Variants in TARS3 observed in about 807,000 individuals in gnomAD.
TARS3 encodes threonine--tRNA ligase 2, cytoplasmic.
A neutral mutation model predicts 103.5 loss-of-function variants in TARS3; 94 were observed. That is an observed-to-expected ratio of 0.91 (90% CI 0.77 to 1.08). TARS3 has a LOEUF of 1.08. TARS3 is among the 50% of genes least tolerant of loss of function. The probability of loss-of-function intolerance (pLI) is 0.00; values close to 1 mark genes in which losing one functional copy is unlikely to be tolerated. For synonymous variants in TARS3, 416 were observed against 355.4 expected (o/e 1.17, Z -1.92); for missense variants, 952 against 995.2 (o/e 0.96, Z 0.58).
At chr15:101,691,571 T>C (rs1225752729) in intron 10 of TARS3, among the ~76,000 whole-genome samples, 1 of 152,222 alleles carries the variant, frequency 6.6e-6, no homozygotes, top group Non-Finnish European at 1.5e-5. Context: ...TGAGTCACTA[T>C]GCCCAGCCTT....
At chr15:101,706,780 G>T (rs1899587454) in intron 6 of TARS3, among the ~76,000 whole-genome samples, 1 of 152,086 alleles carries the variant, frequency 6.6e-6, no homozygotes, top group Non-Finnish European at 1.5e-5. Context: ...GTTGTTGGGA[G>T]AAAAACCCGT....
intron 15 of TARS3, among the ~76,000 whole-genome samples, chr15:101,665,541 C>T (rs1305414564): frequency 6.6e-6 from 1 of 152,140 alleles, no homozygotes; most frequent in Admixed American, 6.5e-5. Flanking sequence ...ATAGCATAGA[C>T]CACATGAGGA....
At chr15:101,690,338 T>C (rs564055457) in intron 10 of TARS3, among the ~76,000 whole-genome samples, 4 of 152,340 alleles carry the variant, frequency 2.6e-5, no homozygotes, top group East Asian at 1.9e-4. Context: ...TTAAACACAA[T>C]AGTATAATAC....
At chr15:101,682,037 T>C (rs1898274834) in intron 12 of TARS3, among the ~76,000 whole-genome samples, 1 of 152,238 alleles carries the variant, frequency 6.6e-6, no homozygotes, top group Non-Finnish European at 1.5e-5. Flanking sequence ...TTCTAATAGC[T>C]TTCTGTAGAT....
intron 18 of TARS3, 35 bp downstream of exon 18, chr15:101,656,887 A>C (rs749667534): frequency 4.8e-5 from 66 of 1,387,382 alleles, no homozygotes; most frequent in Non-Finnish European, 6.0e-5. Flanking sequence ...TGGGAAAAAA[A>C]AGCATTTGGA....
chr15:101,709,612 C>T (rs115989288), intron 5 of TARS3, among the ~76,000 whole-genome samples: 172 of 152,312 alleles, frequency 1.1e-3, no homozygotes, highest in African/African-American at 3.9e-3. Flanking sequence ...ACACCTCCTA[C>T]ACCTGGCTGA....
intron 12 of TARS3, among the ~76,000 whole-genome samples, chr15:101,678,978 G>A (rs1000532754): frequency 3.3e-5 from 5 of 151,976 alleles, no homozygotes; most frequent in African/African-American, 1.2e-4. Context: ...CTGGCCTCCA[G>A]GATTTTTGTT....
intron 12 of TARS3, among the ~76,000 whole-genome samples, chr15:101,681,557 T>C (rs1328829435): frequency 6.6e-6 from 1 of 152,222 alleles, no homozygotes; most frequent in African/African-American, 2.4e-5. Flanking sequence ...ATAAGAATCA[T>C]TTATTCTTCA....
rs146008609 is a variant in TARS3, at chr15:101,676,432, G to A, written c.1651-695C>T. On this transcript the variant is annotated intron_variant, in intron 12 of 18. Transcript: ENST00000335968. ...TGGCTTAAACCAGAGAGAGGCAGCT[G>A]AAATGCAGGGAATTTGATGGATTTG... 7.0e-3 allele frequency among the ~76,000 whole-genome samples: 1,063 copies of A among 152,286 alleles called. 9 individuals carry two copies. Among genetic ancestry groups the A allele is most frequent in the Non-Finnish European group, 0.012 (808 of 68,018 alleles).
intron 5 of TARS3, among the ~76,000 whole-genome samples, chr15:101,709,801 G>C (rs540365483): frequency 6.6e-6 from 1 of 152,370 alleles, no homozygotes; most frequent in African/African-American, 2.4e-5. Flanking sequence ...CTGGAGCCAT[G>C]TTAACAAGAG....
At chr15:101,660,203 G>A (rs981439079) in intron 16 of TARS3, among the ~76,000 whole-genome samples, 2 of 152,170 alleles carry the variant, frequency 1.3e-5, no homozygotes, top group Non-Finnish European at 2.9e-5. Context: ...TAGCAGTGGG[G>A]GCAGTAGTTT....
At position 101,701,107 on chromosome 15, in the gene TARS3, A is replaced by G. The variant is rs765951901; in HGVS notation, c.1299T>C (p.Asn433=). ...FFLPRGAFIY[N]TLTDFIREEY... is the part of the protein sequence containing the mutation. ...TTACTCGTATGAAATCTGTAAGCGT[A>G]TTATAAATGAAGGCTCCTCTGGGAA... Residue 433 remains asparagine, a synonymous_variant, in exon 10 of 19, where the codon AAT becomes AAC. Transcript: ENST00000335968. 11 of 1,583,598 alleles carry G rather than the reference A, an allele frequency of 6.9e-6. No individual in the cohort carries two copies. The highest frequency in any genetic ancestry group is 8.5e-6 in the Non-Finnish European group (10 of 1,169,654).
At chr15:101,666,129 T>G (rs1003181336) in intron 15 of TARS3, among the ~76,000 whole-genome samples, 13 of 152,308 alleles carry the variant, frequency 8.5e-5, no homozygotes, top group South Asian at 8.3e-4. Flanking sequence ...CTACTTACTC[T>G]GGAAATGAGA....
chr15:101,679,567 T>C (rs980647303), intron 12 of TARS3, among the ~76,000 whole-genome samples: 2 of 152,248 alleles, frequency 1.3e-5, no homozygotes, highest in African/African-American at 2.4e-5. Context: ...TGCATTTTTA[T>C]GGTGGTTGCT....
In TARS3 at chr15:101,675,708, C is replaced by G. The variant is rs140584204; in HGVS notation, c.1680G>C (p.Gln560His). The G allele has an allele frequency of 6.9e-5, 111 of 1,613,252 alleles. No individual in the cohort carries two copies. In the African/African-American group the frequency reaches 1.1e-3, roughly 16 times the overall value. ...ATGTTGAGTAAACAGATTGCAAAAA[C>G]TGCAAACACCCCTTTATTTCTTCTT... is the stretch of plus-strand genomic sequence containing the variant. The part of the protein sequence containing the change: ...QIEEEIKGCL[Q>H]FLQSVYSTFG... The change falls in exon 13 of 19, where the codon CAG (glutamine) becomes CAC (histidine). Residue 560 changes from glutamine to histidine, a missense_variant. Transcript: ENST00000335968.
chr15:101,682,875 T>C (rs1222129630), intron 12 of TARS3, among the ~76,000 whole-genome samples: 1 of 152,208 alleles, frequency 6.6e-6, no homozygotes, highest in East Asian at 1.9e-4. Context: ...GTTTTGTCTT[T>C]CAAAGATTTA....
Position 101,700,485 on chromosome 15 carries a change from C to T in TARS3, c.1320+601G>A, listed in dbSNP as rs530455732. On this transcript the variant is annotated intron_variant, in intron 10 of 18. Transcript: ENST00000335968. The stretch of plus-strand genomic sequence containing the variant: ...ACACTTTCTCCTTTCTTCTTTTTCA[C>T]AGGGAGTGCCACACTTAGTCTAATG... Among the ~76,000 whole-genome samples the T allele has an allele frequency of 1.6e-3, 243 of 152,278 alleles. 1 individual carries two copies. Among genetic ancestry groups the T allele is most frequent in the Middle Eastern group, 6.8e-3 (2 of 294 alleles).
In TARS3 at chr15:101,708,744, T is replaced by C. The variant is rs147739028; in HGVS notation, c.930+49A>G. The C allele has an allele frequency of 1.4e-5, 17 of 1,251,568 alleles. No homozygotes were observed. The Admixed American group carries it at 2.0e-4, about 15-fold the overall frequency. 77.5% of individuals were successfully genotyped at this position (1,251,568 alleles called of 1,614,324 possible). On this transcript the variant is annotated intron_variant, in intron 6 of 18. Coordinates refer to ENST00000335968, the MANE Select transcript of TARS3 (RefSeq NM_152334.3). Reference sequence around the variant, plus strand: ...GGGAAGGTGGGGAAGCTAGTCTATATTGATTTTTAATATTCCTAGTAAGAG... The same window carrying C: ...GGGAAGGTGGGGAAGCTAGTCTATACTGATTTTTAATATTCCTAGTAAGAG...
In TARS3 at chr15:101,661,804, A is replaced by G; in HGVS notation, c.1980T>C (p.Asp660=). ...FNLTYVSKDG[D]DKKRPVIIHR... is the part of the protein sequence containing the mutation. ...GAATGATCACAGGTCTCTTCTTATC[A>G]TCCCCATCCTTACTAAAAAATGAAA... Residue 660 remains aspartate (D), a synonymous_variant, in exon 16 of 19, where the codon GAT becomes GAC. Coordinates refer to ENST00000335968, the MANE Select transcript of TARS3 (RefSeq NM_152334.3). 6.3e-7 allele frequency: 1 copy of G among 1,590,002 alleles called. No individual in the cohort carries two copies. The highest frequency in any genetic ancestry group is 8.6e-7 in the Non-Finnish European group (1 of 1,168,894).
Sources: allele counts gnomAD v4.1 joint callset (sites outside exome capture counted in the v4.1 genomes callset), GRCh38; gene constraint gnomAD v4.1.1; transcripts MANE v1.5; gene names NCBI Gene and HGNC (gene_info 2026-07-23, HGNC 2026-07-21).